Variants in CLEC2L observed in about 807,000 individuals in gnomAD.
The protein encoded by CLEC2L is C-type lectin domain family 2 member L.
CLEC2L carries 14 observed loss-of-function variants against 23.6 expected under a neutral mutation model. That is an observed-to-expected ratio of 0.59 (90% CI 0.39 to 0.93). CLEC2L has a LOEUF of 0.93. Ranked by LOEUF, CLEC2L falls within the 40% of genes least tolerant of loss-of-function variation. CLEC2L has a pLI of 0.00. For missense variants in CLEC2L, 264 were observed against 282.4 expected (o/e 0.93, Z 0.47); for synonymous variants, 114 against 121.3 (o/e 0.94, Z 0.40).
chr7:139,543,964 T>C (rs73477448), intron 4 of CLEC2L, among the ~76,000 whole-genome samples: 1,719 of 152,256 alleles, frequency 0.011, 20 homozygotes, highest in African/African-American at 0.039. Flanking sequence ...GAGCCGACCC[T>C]GCAAGGACAT....
chr7:139,540,403 G>C lies in CLEC2L; in HGVS notation c.348G>C (p.Glu116Asp). 2 of 1,609,458 alleles carry C rather than the reference G, an allele frequency of 1.2e-6. No homozygotes were observed. The change falls in exon 3 of 5, where the codon GAG becomes GAC. Residue 116 changes from glutamate (E) to aspartate (D), a missense_variant. Coordinates refer to ENST00000422142, the MANE Select transcript of CLEC2L (RefSeq NM_001080511.4). This position sits in a 1 kb window ranked among gnomAD's most constrained non-coding sequence, Gnocchi z 5.8. ...LYGRKCYFFS[E>D]EPRDWNTGRQ... ...GAAGGAAGTGCTACTTCTTTTCCGA[G>C]GAACCCAGAGACTGGAACACAGGCA... is the stretch of plus-strand genomic sequence containing the variant.
chr7:139,523,852 G>T lies in CLEC2L; in HGVS notation c.-76G>T. The T allele has an allele frequency of 2.1e-6, 2 of 957,442 alleles. No homozygotes were observed. Among genetic ancestry groups the T allele is most frequent in the Non-Finnish European group, 2.5e-6 (2 of 807,306 alleles). 59.3% of individuals were successfully genotyped at this position (957,442 alleles called of 1,614,324 possible). A position where few individuals can be genotyped will look rare whatever the true frequency, so the allele number is the denominator to read the frequency against. On this transcript the variant is annotated 5_prime_UTR_variant, in exon 1 of 5. Coordinates refer to ENST00000422142, the MANE Select transcript of CLEC2L (RefSeq NM_001080511.4). This position sits in a 1 kb window ranked among gnomAD's most constrained non-coding sequence, Gnocchi z 4.1. ...GCCTGGGGGGCCCGCAGGGCGCGCGGAGCGCCGAGTGCGCGTCGGGCTGGG... is the reference window on the plus strand; with the variant it reads ...GCCTGGGGGGCCCGCAGGGCGCGCGTAGCGCCGAGTGCGCGTCGGGCTGGG...
In CLEC2L at chr7:139,541,205, C is replaced by T. The variant is rs141829633; in HGVS notation, c.432+718C>T. 6.5e-4 allele frequency among the ~76,000 whole-genome samples: 99 copies of T among 152,146 alleles called. 1 individual carries two copies. Among genetic ancestry groups the T allele is most frequent in the African/African-American group, 2.4e-3 (98 of 41,514 alleles). Reference sequence around the variant, plus strand: ...TGTATTTTTAGTAGAGACAGGGTTTCACCATGTTGGCCAGGCTGGTCTCGA... The same window carrying T: ...TGTATTTTTAGTAGAGACAGGGTTTTACCATGTTGGCCAGGCTGGTCTCGA... On this transcript the variant is annotated intron_variant, in intron 3 of 4. Coordinates refer to ENST00000422142, the MANE Select transcript of CLEC2L (RefSeq NM_001080511.4).
At chr7:139,528,900 T>C (rs558294331) in intron 1 of CLEC2L, among the ~76,000 whole-genome samples, 1 of 152,330 alleles carries the variant, frequency 6.6e-6, no homozygotes, top group East Asian at 1.9e-4. Context: ...AAGAGGCACC[T>C]TGGGTCTGGC....
At chr7:139,541,982 C>T (rs1210637196) in intron 3 of CLEC2L, 39 bp from the exon 4 acceptor site, 1 of 1,381,780 alleles carries the variant, frequency 7.2e-7, no homozygotes, top group Non-Finnish European at 1.0e-6. Flanking sequence ...GTCAGGAGAC[C>T]GCATCTGACC....
In CLEC2L at chr7:139,540,293, C is replaced by A. The variant is rs1323917337; in HGVS notation, c.266-28C>A. 1 of 1,574,222 alleles carries A rather than the reference C, an allele frequency of 6.4e-7. No individual in the cohort carries two copies. The highest frequency in any genetic ancestry group is 8.6e-7 in the Non-Finnish European group (1 of 1,157,924). On this transcript the variant is annotated intron_variant, in intron 2 of 4. Coordinates refer to ENST00000422142, the MANE Select transcript of CLEC2L (RefSeq NM_001080511.4). This position sits in a 1 kb window ranked among gnomAD's most constrained non-coding sequence, Gnocchi z 5.8. The stretch of plus-strand genomic sequence containing the variant: ...GTGGGACTCGGGCTGGGGGGGCGGG[C>A]AGGGCCGAGCTGGTCTCTTCCCTGC...
At position 139,539,375 on chromosome 7, in the gene CLEC2L, T is replaced by A. The variant is rs983983850; in HGVS notation, c.266-946T>A. The A allele has an allele frequency of 1.3e-5, 2 of 152,190 alleles. No individual in the cohort carries two copies. The highest frequency in any genetic ancestry group is 4.8e-5 in the African/African-American group (2 of 41,432). The allele number at this position is 152,190 out of a possible 1,614,324, so 9.4% of individuals were successfully genotyped here. A position where few individuals can be genotyped will look rare whatever the true frequency, so the allele number is the denominator to read the frequency against. On this transcript the variant is annotated intron_variant, in intron 2 of 4. Coordinates refer to ENST00000422142, the MANE Select transcript of CLEC2L (RefSeq NM_001080511.4). This position sits in a 1 kb window ranked among gnomAD's most constrained non-coding sequence, Gnocchi z 4.1. ...ACACTGGGGGAGACCTGGCTTAGAA[T>A]CAGATCATATGAAAACAATCTAAGA...
intron 2 of CLEC2L, among the ~76,000 whole-genome samples, chr7:139,536,940 G>A (rs1353231034): frequency 3.1e-5 from 4 of 129,796 alleles, no homozygotes; most frequent in South Asian, 2.4e-4. Context: ...GCACACCACC[G>A]CACTCCACCC....
intron 2 of CLEC2L, among the ~76,000 whole-genome samples, chr7:139,536,761 G>C (rs750205392): frequency 1.7e-4 from 26 of 151,858 alleles, no homozygotes; most frequent in Non-Finnish European, 1.0e-4. Context: ...GATCACCTGA[G>C]GTCAGGAGTT....
rs542755208 is a variant in CLEC2L, at chr7:139,544,322, A to C, written c.625A>C (p.Ser209Arg). ...ECLMTRPWVC[S>R]KMAYT The stretch of plus-strand genomic sequence containing the variant: ...TCTGATGACCCGGCCCTGGGTGTGC[A>C]GCAAGATGGCCTATACTTGAGGTGG... The change falls in exon 5 of 5, where the codon AGC (serine) becomes CGC (arginine). Residue 209 changes from serine to arginine, a missense_variant. Ser to Arg is a moderately radical substitution (Grantham distance 110). Transcript: ENST00000422142. 6.4e-5 allele frequency: 103 copies of C among 1,612,522 alleles called. No individual in the cohort carries two copies. In the African/African-American group the frequency reaches 1.1e-3, roughly 17 times the overall value.
At chr7:139,535,760 A>G (rs77983137) in intron 1 of CLEC2L, among the ~76,000 whole-genome samples, 1,946 of 152,264 alleles carry the variant, frequency 0.013, 41 homozygotes, top group African/African-American at 0.044. Context: ...GGGAGCAAAG[A>G]TTCAGTAGCA....
chr7:139,543,545 TAAGGC>T (rs1056715739), intron 4 of CLEC2L, among the ~76,000 whole-genome samples: 1 of 152,132 alleles, frequency 6.6e-6, no homozygotes, highest in Non-Finnish European at 1.5e-5. Flanking sequence ...GGTGAACAAC[TAAGGC>T]TAAGAAGAAA....
intron 1 of CLEC2L, among the ~76,000 whole-genome samples, chr7:139,528,286 T>G (rs934862647): frequency 6.6e-6 from 1 of 152,220 alleles, no homozygotes; most frequent in African/African-American, 2.4e-5. Flanking sequence ...TAATCCCATA[T>G]GAACTGGCAT....
intron 3 of CLEC2L, among the ~76,000 whole-genome samples, chr7:139,541,031 G>A (rs1168000712): frequency 6.6e-6 from 1 of 151,826 alleles, no homozygotes; most frequent in Non-Finnish European, 1.5e-5. Context: ...TTTTTTTTGA[G>A]ACAGTCTCAC....
At chr7:139,535,026 C>T (rs1163649589) in intron 1 of CLEC2L, among the ~76,000 whole-genome samples, 1 of 151,476 alleles carries the variant, frequency 6.6e-6, no homozygotes, top group Non-Finnish European at 1.5e-5. Context: ...AACTCCACTC[C>T]TAAGCATATA....
rs1797468638 is a variant in CLEC2L at position 139,524,004 on chromosome 7, C to G, written c.77C>G (p.Ala26Gly). Residue 26 changes from alanine (A) to glycine (G), a missense_variant, in exon 1 of 5, where the codon GCC becomes GGC. Coordinates refer to ENST00000422142, the MANE Select transcript of CLEC2L (RefSeq NM_001080511.4). ...PLAARPAPAP[A>G]APRPRSPAEA... ...GCCGCGCGCCCCGCGCCCGCCCCCG[C>G]CGCCCCCAGGCCGCGTTCGCCCGCA... The G allele has an allele frequency of 9.2e-7, 1 of 1,088,946 alleles. No individual in the cohort carries two copies. The highest frequency in any genetic ancestry group is 1.1e-6 in the Non-Finnish European group (1 of 896,072). 67.5% of individuals were successfully genotyped at this position (1,088,946 alleles called of 1,614,324 possible).
chr7:139,536,395 T>C, intron 2 of CLEC2L, 47 bp downstream of exon 2: 1 of 1,479,404 alleles, frequency 6.8e-7, no homozygotes, highest in Non-Finnish European at 9.2e-7. Flanking sequence ...TGCACATTCC[T>C]TGTTAAAAGC....
At chr7:139,529,623 T>C (rs1404709263) in intron 1 of CLEC2L, among the ~76,000 whole-genome samples, 7 of 152,220 alleles carry the variant, frequency 4.6e-5, no homozygotes, top group Admixed American at 3.9e-4. Flanking sequence ...GCTCTTACCA[T>C]GTCTGAAGCT....
chr7:139,539,958 A>C lies in CLEC2L; in HGVS notation c.266-363A>C, dbSNP rs1372505463. 2 of 235,440 alleles carry C rather than the reference A, an allele frequency of 8.5e-6. No individual in the cohort carries two copies. Among genetic ancestry groups the C allele is most frequent in the African/African-American group, 4.5e-5 (2 of 44,076 alleles). 14.6% of individuals were successfully genotyped at this position (235,440 alleles called of 1,614,324 possible). On this transcript the variant is annotated intron_variant, in intron 2 of 4. Coordinates refer to ENST00000422142, the MANE Select transcript of CLEC2L (RefSeq NM_001080511.4). This position sits in a 1 kb window ranked among gnomAD's most constrained non-coding sequence, Gnocchi z 4.1. Reference sequence around the variant, plus strand: ...ATGGGCATGGTTAATGACAGCGGGCAGTCTGTCCTGCTGTTGGTACCTGGC... The same window carrying C: ...ATGGGCATGGTTAATGACAGCGGGCCGTCTGTCCTGCTGTTGGTACCTGGC...
Sources: allele counts gnomAD v4.1 joint callset (sites outside exome capture counted in the v4.1 genomes callset), GRCh38; gene constraint gnomAD v4.1.1; non-coding constraint Gnocchi (gnomAD v3.1); transcripts MANE v1.5; gene names NCBI Gene and HGNC (gene_info 2026-07-23, HGNC 2026-07-21).